The following ARHGAP28 variants were observed in gnomAD, a reference collection of about 807,000 sequenced individuals.
The protein encoded by ARHGAP28 is Rho GTPase activating protein 28.
In ARHGAP28, 56 loss-of-function variants were observed where a neutral mutation model predicts 90.7. The observed-to-expected ratio is 0.62, with a 90% confidence interval of 0.50 to 0.77. The LOEUF (loss-of-function observed/expected upper bound fraction) is 0.77, where lower values mean the gene tolerates loss of function less well. ARHGAP28 is among the 30% of genes least tolerant of loss of function. The pLI, the probability that ARHGAP28 is intolerant of heterozygous loss-of-function variation, is 0.00. For synonymous variants in ARHGAP28, 308 were observed against 323.3 expected, an observed-to-expected ratio of 0.95 and a Z score of 0.51; for missense variants, 869 against 900.9, an observed-to-expected ratio of 0.96 and a Z score of 0.45.
intron 16 of ARHGAP28, among the ~76,000 whole-genome samples, chr18:6,902,830 A>C (rs904780812): frequency 2.0e-5 from 3 of 152,150 alleles, no homozygotes; most frequent in African/African-American, 7.2e-5. Flanking sequence ...GTGGCCAAAA[A>C]ATTGAAAGCA....
chr18:6,842,389 G>A (rs2056834328), intron 3 of ARHGAP28, among the ~76,000 whole-genome samples: 1 of 151,990 alleles, frequency 6.6e-6, no homozygotes, highest in Admixed American at 6.6e-5. Flanking sequence ...AAAATTTAAT[G>A]GTCATATTGC....
chr18:6,890,143 A>T, intron 13 of ARHGAP28, 58 bp downstream of exon 13: 2 of 1,587,312 alleles, frequency 1.3e-6, no homozygotes, highest in Non-Finnish European at 1.7e-6. Context: ...AGGAAACATA[A>T]AGCCTCCATG....
chr18:6,759,011 A>T (rs1001085147), intron 1 of ARHGAP28, among the ~76,000 whole-genome samples: 1 of 152,224 alleles, frequency 6.6e-6, no homozygotes, highest in Non-Finnish European at 1.5e-5. Context: ...ATTAAATTTG[A>T]ATAAAATCCT....
chr18:6,838,568 G>A (rs953912581), intron 3 of ARHGAP28, among the ~76,000 whole-genome samples: 1 of 152,166 alleles, frequency 6.6e-6, no homozygotes, highest in Non-Finnish European at 1.5e-5. Flanking sequence ...GTCCAGTATG[G>A]TAGCTCCAGA....
intron 16 of ARHGAP28, among the ~76,000 whole-genome samples, chr18:6,908,140 A>G (rs954283194): frequency 6.6e-6 from 1 of 151,160 alleles, no homozygotes. Flanking sequence ...ATTTTATTTT[A>G]TTTTATTTTA....
intron 1 of ARHGAP28, among the ~76,000 whole-genome samples, chr18:6,785,754 T>G (rs968208151): frequency 2.6e-5 from 4 of 152,250 alleles, no homozygotes; most frequent in Non-Finnish European, 5.9e-5. Context: ...CATGTAGATA[T>G]GAGCACTAGA....
At chr18:6,893,658 A>T (rs1567985549) in intron 14 of ARHGAP28, among the ~76,000 whole-genome samples, 1 of 152,130 alleles carries the variant, frequency 6.6e-6, no homozygotes, top group East Asian at 1.9e-4. Flanking sequence ...GCAGATAATG[A>T]TCTATCTGTT....
chr18:6,732,316 C>T (rs1037430882), intron 1 of ARHGAP28, among the ~76,000 whole-genome samples: 1 of 152,136 alleles, frequency 6.6e-6, no homozygotes, highest in Non-Finnish European at 1.5e-5. Context: ...CTGTTTGCAC[C>T]TCCATGGCCA....
intron 1 of ARHGAP28, among the ~76,000 whole-genome samples, chr18:6,732,145 A>G (rs1031915984): frequency 6.6e-6 from 1 of 151,546 alleles, no homozygotes; most frequent in African/African-American, 2.4e-5. Flanking sequence ...AGAATATAGT[A>G]TCTTTCTATT....
At chr18:6,803,132 G>T (rs1182793467) in intron 1 of ARHGAP28, among the ~76,000 whole-genome samples, 1 of 152,118 alleles carries the variant, frequency 6.6e-6, no homozygotes, top group East Asian at 1.9e-4. Flanking sequence ...ATGTTGAATA[G>T]AAGTGGTGAG....
intron 3 of ARHGAP28, among the ~76,000 whole-genome samples, chr18:6,847,340 T>C (rs577154595): frequency 6.6e-6 from 1 of 152,272 alleles, no homozygotes; most frequent in African/African-American, 2.4e-5. Context: ...TTGTACCTTT[T>C]TATCCTTACG....
At chr18:6,738,870 G>A (rs956112348) in intron 1 of ARHGAP28, among the ~76,000 whole-genome samples, 4 of 152,296 alleles carry the variant, frequency 2.6e-5, no homozygotes, top group Admixed American at 6.5e-5. Context: ...CTGACCTACC[G>A]TAACAAGCTG....
intron 3 of ARHGAP28, among the ~76,000 whole-genome samples, chr18:6,841,182 TCTCTCTCTCTCTCTCTCTCTCCTCTC>T (rs1279708220): frequency 1.1e-3 from 47 of 44,222 alleles, no homozygotes; most frequent in East Asian, 0.01. Flanking sequence ...CTCTCTCTCC[TCTCTCTCTCTCTCTCTCTCTCCTCTC>T]CTCTCTCTCT....
At chr18:6,870,477 CTG>C in intron 6 of ARHGAP28, 111 bp from the exon 7 acceptor site, 2 of 1,107,800 alleles carry the variant, frequency 1.8e-6, no homozygotes, top group Non-Finnish European at 2.6e-6. Context: ...CATATAAACA[CTG>C]TAACGTGCTT....
chr18:6,803,886 C>G (rs1486721098), intron 1 of ARHGAP28, among the ~76,000 whole-genome samples: 2 of 152,134 alleles, frequency 1.3e-5, no homozygotes, highest in African/African-American at 4.8e-5. Context: ...TCACGCCATT[C>G]TCCTGCCTCA....
intron 3 of ARHGAP28, among the ~76,000 whole-genome samples, chr18:6,848,026 G>T (rs1567969071): frequency 6.6e-6 from 1 of 152,118 alleles, no homozygotes; most frequent in Non-Finnish European, 1.5e-5. Context: ...TTTTATTGGG[G>T]GTTGATCATG....
At chr18:6,843,743 CA>C (rs1434337159) in intron 3 of ARHGAP28, among the ~76,000 whole-genome samples, 1 of 152,032 alleles carries the variant, frequency 6.6e-6, no homozygotes, top group Non-Finnish European at 1.5e-5. Context: ...TTTTTTCTTA[CA>C]ATGAAAGTAA....
chr18:6,870,817 TG>T (rs1337039182), intron 7 of ARHGAP28, 85 bp downstream of exon 7: 25 of 1,358,792 alleles, frequency 1.8e-5, no homozygotes, highest in Non-Finnish European at 1.7e-5. Context: ...TTTTTTTTTT[TG>T]AGACGGAGTC....
chr18:6,808,300 T>C (rs1409470082), intron 1 of ARHGAP28, among the ~76,000 whole-genome samples: 4 of 152,212 alleles, frequency 2.6e-5, no homozygotes, highest in African/African-American at 9.6e-5. Context: ...CATTTATGTC[T>C]TCTTTTTCCT....
Sources: allele counts gnomAD v4.1 joint callset (sites outside exome capture counted in the v4.1 genomes callset), GRCh38; gene constraint gnomAD v4.1.1; transcripts MANE v1.5; gene names NCBI Gene and HGNC (gene_info 2026-07-23, HGNC 2026-07-21).